The following GSTM2 variants were observed in gnomAD, a reference collection of about 807,000 sequenced individuals.
The protein encoded by GSTM2 is GST class-mu 2.
A neutral mutation model predicts 33.3 loss-of-function variants in GSTM2; 33 were observed. The observed-to-expected ratio is 0.99, with a 90% CI of 0.75 to 1.33. The LOEUF (loss-of-function observed/expected upper bound fraction) is 1.33. GSTM2 is among the 40% of genes most tolerant of loss of function. The pLI is 0.00. For missense variants in GSTM2, 213 were observed against 265.8 expected (o/e 0.80, Z 1.38); for synonymous variants, 93 against 95.6 (o/e 0.97, Z 0.16).
intron 3 of GSTM2, 119 bp from the exon 4 acceptor site, chr1:109,669,171 T>C: frequency 7.6e-7 from 1 of 1,321,958 alleles, no homozygotes; most frequent in South Asian, 1.2e-5. Flanking sequence ...TGTGACAGTA[T>C]TTCTATCTCA....
rs200105422 is a variant in GSTM2, at chr1:109,674,735, C to A, written c.568-12C>A. The A allele has an allele frequency of 2.0e-4, 315 of 1,614,036 alleles. 1 individual carries two copies. Among genetic ancestry groups the A allele is most frequent in the Middle Eastern group, 3.3e-4 (2 of 6,062 alleles). On this transcript the variant is annotated splice_polypyrimidine_tract_variant and intron_variant, in intron 7 of 7. Coordinates refer to ENST00000241337, the MANE Select transcript of GSTM2 (RefSeq NM_000848.4). ...TGACCTTGAGTTCTGGCCTTATTTTCCCCCCTCTCAGGGCTTGGAGAAGAT... is the reference window on the plus strand; with the variant it reads ...TGACCTTGAGTTCTGGCCTTATTTTACCCCCTCTCAGGGCTTGGAGAAGAT...
At chr1:109,669,747 G>T in intron 5 of GSTM2, 176 bp downstream of exon 5, 2 of 592,674 alleles carry the variant, frequency 3.4e-6, no homozygotes, top group South Asian at 4.2e-5. Flanking sequence ...TGGTGTGTCC[G>T]GAGTTTGTTC....
Position 109,668,519 on chromosome 1 carries a change from C to T in GSTM2, c.112+19C>T. The T allele has an allele frequency of 6.2e-7, 1 of 1,613,188 alleles. No individual in the cohort carries two copies. The highest frequency in any genetic ancestry group is 8.5e-7 in the Non-Finnish European group (1 of 1,179,072). On this transcript the variant is annotated intron_variant, in intron 2 of 7. Transcript: ENST00000241337. ...GGGGACGGTAATGGCACCCTCGAGTCTGGGCCCTGCCCCCTCACACTAAGT... is the reference window on the plus strand; with the variant it reads ...GGGGACGGTAATGGCACCCTCGAGTTTGGGCCCTGCCCCCTCACACTAAGT...
intron 1 of GSTM2, 52 bp downstream of exon 1, chr1:109,668,203 G>A: frequency 1.3e-6 from 2 of 1,548,242 alleles, no homozygotes; most frequent in Non-Finnish European, 1.8e-6. Flanking sequence ...GGGCGGGGAA[G>A]TGTGGAGCAG....
At chr1:109,680,340 T>A (rs377140013) in intron 7 of GSTM2, among the ~76,000 whole-genome samples, 2 of 149,942 alleles carry the variant, frequency 1.3e-5, no homozygotes, top group African/African-American at 4.9e-5. Flanking sequence ...TTTTATAAAA[T>A]CAAACACAAG....
chr1:109,668,378 T>C (rs1647410839), intron 1 of GSTM2, 47 bp from the exon 2 acceptor site: 1 of 1,598,248 alleles, frequency 6.3e-7, no homozygotes, highest in African/African-American at 1.3e-5. Context: ...CGTCACAAAG[T>C]CAGGGACCCT....
At position 109,669,578 on chromosome 1, in the gene GSTM2, C is replaced by A. The variant is rs1472893716; in HGVS notation, c.360+7C>A. 1.9e-6 allele frequency: 3 copies of A among 1,544,052 alleles called. No homozygotes were observed. Among genetic ancestry groups the A allele is most frequent in the Non-Finnish European group, 2.7e-6 (3 of 1,118,118 alleles). On this transcript the variant is annotated splice_region_variant and intron_variant, in intron 5 of 7. Coordinates refer to ENST00000241337, the MANE Select transcript of GSTM2 (RefSeq NM_000848.4). ...CTGCTATGACCCAGATTTTGTAAGT[C>A]CCCCCACCCCACTCCCAGTCTCCCC... is the stretch of plus-strand genomic sequence containing the variant.
At chr1:109,676,312 G>A (rs1036725602), downstream of GSTM2, among the ~76,000 whole-genome samples, 2 of 152,264 alleles carry the variant, frequency 1.3e-5, no homozygotes, top group African/African-American at 2.4e-5. Flanking sequence ...TGAGTAGGTC[G>A]ATGCCAGTCT....
intron 5 of GSTM2, 120 bp downstream of exon 5, chr1:109,669,691 G>A: frequency 1.5e-6 from 1 of 665,892 alleles, no homozygotes. Flanking sequence ...CTGACTCTAA[G>A]AATGAAGCCG....
intron 7 of GSTM2, 120 bp downstream of exon 7, chr1:109,671,703 C>G (rs1647550377): frequency 1.3e-6 from 1 of 744,912 alleles, no homozygotes; most frequent in Admixed American, 1.9e-5. Context: ...TGCGGTGGCT[C>G]ACGCCTGTAA....
rs1428941895 is a variant in GSTM2 at position 109,681,376 on chromosome 1, CT to C, written c.567+9794del. Reference sequence around the variant, plus strand: ...GTCTCCAGACAGACCTACATGTCCCCTGAGGGGCAAAATCACCTTCACTTGA... The same window carrying C: ...GTCTCCAGACAGACCTACATGTCCCCGAGGGGCAAAATCACCTTCACTTGA... On this transcript the variant is annotated intron_variant, in intron 7 of 7. Coordinates refer to the GSTM2 transcript ENST00000369831. Among the ~76,000 whole-genome samples, 117 of 47,502 alleles carry C rather than the reference CT, an allele frequency of 2.5e-3. 1 individual carries two copies. The highest frequency in any genetic ancestry group is 0.01 in the African/African-American group (106 of 10,206). 31.2% of individuals were successfully genotyped at this position (47,502 alleles called of 152,430 possible).
downstream of GSTM2, among the ~76,000 whole-genome samples, chr1:109,679,808 A>G (rs1474424850): frequency 6.6e-6 from 1 of 152,182 alleles, no homozygotes; most frequent in Admixed American, 6.5e-5. Flanking sequence ...GGCTGGTAAA[A>G]TTATTGTGTT....
At chr1:109,678,114 C>T (rs1305867113), downstream of GSTM2, among the ~76,000 whole-genome samples, 2 of 152,122 alleles carry the variant, frequency 1.3e-5, no homozygotes, top group African/African-American at 4.8e-5. Context: ...TGCGTGTTTA[C>T]TCTTAGATTC....
In GSTM2 at chr1:109,674,812, G is replaced by C. The variant is rs186486576; in HGVS notation, c.633G>C (p.Lys211Asn). The change falls in exon 8 of 8, where the codon AAG becomes AAC. Residue 211 changes from lysine to asparagine, a missense_variant. Coordinates refer to ENST00000241337, the MANE Select transcript of GSTM2 (RefSeq NM_000848.4). ...TCCTCCCAAGACCTGTGTTCACAAA[G>C]ATGGCTGTCTGGGGCAACAAGTAGG... ...SRFLPRPVFT[K>N]MAVWGNK 6.8e-6 allele frequency: 11 copies of C among 1,614,224 alleles called. No homozygotes were observed. The African/African-American group carries it at 1.2e-4, about 18-fold the overall frequency.
In GSTM2 at chr1:109,669,369, T is replaced by C. The variant is rs1251160398; in HGVS notation, c.257T>C (p.Leu86Pro). 6.2e-7 allele frequency: 1 copy of C among 1,614,172 alleles called. No individual in the cohort carries two copies. The highest frequency in any genetic ancestry group is 1.7e-5 in the Admixed American group (1 of 60,020). ...CGGTACATTGCCCGCAAGCACAACC[T>C]GTGTGAGTAGATTTGGTTGCAAGAT... ...ILRYIARKHN[L>P]CGESEKEQIR... Residue 86 changes from leucine to proline, a missense_variant and splice_region_variant, in exon 4 of 8, where the codon CTG becomes CCG. By Grantham distance (98) the Leu-to-Pro change is moderately conservative. Coordinates refer to ENST00000241337, the MANE Select transcript of GSTM2 (RefSeq NM_000848.4).
At position 109,668,099 on chromosome 1, in the gene GSTM2, C is replaced by A. The variant is rs201645642; in HGVS notation, c.-17C>A. On this transcript the variant is annotated 5_prime_UTR_variant, in exon 1 of 8. Coordinates refer to ENST00000241337, the MANE Select transcript of GSTM2 (RefSeq NM_000848.4). ...CCCCGCTGAGGCCTGTCTGCAGAAT[C>A]CACAGCAACCAGCACCATGCCCATG... 3.1e-6 allele frequency: 5 copies of A among 1,613,672 alleles called. No homozygotes were observed. In the African/African-American group the frequency reaches 6.7e-5, roughly 22 times the overall value.
chr1:109,668,638 G>T (rs1570626665), intron 2 of GSTM2, 138 bp downstream of exon 2: 1 of 1,048,500 alleles, frequency 9.5e-7, no homozygotes, highest in East Asian at 2.4e-5. Flanking sequence ...GCCCTGGTGA[G>T]GGAGCTCCTT....
chr1:109,675,932 G>T (rs1489062078), downstream of GSTM2, among the ~76,000 whole-genome samples: 23 of 152,214 alleles, frequency 1.5e-4, no homozygotes. Flanking sequence ...AAGGAAAGAG[G>T]TTTAAAGGAC....
At chr1:109,679,414 T>C (rs1647801369), downstream of GSTM2, among the ~76,000 whole-genome samples, 1 of 152,206 alleles carries the variant, frequency 6.6e-6, no homozygotes, top group Non-Finnish European at 1.5e-5. Flanking sequence ...GAGGTTGCAG[T>C]GAGCCAAGAT....
Sources: gnomAD v4.1 joint callset for allele counts (sites outside exome capture counted in the v4.1 genomes callset) on GRCh38, gnomAD v4.1.1 for gene constraint, MANE v1.5 for transcripts, NCBI Gene and HGNC (gene_info 2026-07-23, HGNC 2026-07-21) for gene names.